The following UNC13B variants were observed in gnomAD, a reference collection of about 807,000 sequenced individuals.
The protein encoded by UNC13B is protein unc-13 homolog B.
A neutral mutation model predicts 211.0 loss-of-function variants in UNC13B; 144 were observed. That is an observed-to-expected ratio of 0.68 (90% CI 0.60 to 0.78). The LOEUF (loss-of-function observed/expected upper bound fraction) is 0.78. UNC13B is among the 30% of genes least tolerant of loss of function. The pLI is 0.00. For synonymous variants in UNC13B, 709 were observed against 725.8 expected (o/e 0.98, Z 0.37); for missense variants, 1,777 against 2,002.0 (o/e 0.89, Z 2.14).
At chr9:35,254,887 A>ATATATAATATACG (rs1222195775) in intron 6 of UNC13B, among the ~76,000 whole-genome samples, 2 of 127,056 alleles carry the variant, frequency 1.6e-5, no homozygotes, top group African/African-American at 5.8e-5. Context: ...TATATATATT[A>ATATATAATATACG]TATATAATAT....
intron 1 of UNC13B, among the ~76,000 whole-genome samples, chr9:35,201,945 A>T (rs1823324173): frequency 6.6e-6 from 1 of 152,062 alleles, no homozygotes; most frequent in African/African-American, 2.4e-5. Flanking sequence ...TGTGAATTTT[A>T]GATCTTTCCT....
At chr9:35,186,468 G>A (rs1018814206) in intron 1 of UNC13B, among the ~76,000 whole-genome samples, 9 of 152,112 alleles carry the variant, frequency 5.9e-5, no homozygotes, top group Admixed American at 2.0e-4. Flanking sequence ...TGTTGTCTGC[G>A]GTAAATACCT....
intron 11 of UNC13B, chr9:35,364,407 C>T: frequency 1.2e-6 from 1 of 816,650 alleles, no homozygotes; most frequent in East Asian, 2.8e-5. Flanking sequence ...GCTCTATGAA[C>T]TGCCTAGTTG....
At chr9:35,370,206 G>C in intron 12 of UNC13B, 112 bp from the exon 13 acceptor site, 1 of 804,046 alleles carries the variant, frequency 1.2e-6, no homozygotes, top group Admixed American at 2.3e-5. Flanking sequence ...ACATGGTAGA[G>C]GTCAGTTCAT....
chr9:35,352,492 TCAA>T (rs1321474505), intron 11 of UNC13B: 8 of 1,231,978 alleles, frequency 6.5e-6, no homozygotes, highest in Non-Finnish European at 6.1e-6. Context: ...TATCATTTTT[TCAA>T]CAACAACATC....
chr9:35,377,399 C>T, intron 15 of UNC13B, 69 bp from the exon 16 acceptor site: 1 of 1,524,102 alleles, frequency 6.6e-7, no homozygotes, highest in East Asian at 2.3e-5. Context: ...TGCAGCCTCT[C>T]CCAGGCCCCA....
chr9:35,263,813 C>G (rs1176474426), intron 7 of UNC13B, among the ~76,000 whole-genome samples: 1 of 152,152 alleles, frequency 6.6e-6, no homozygotes, highest in Non-Finnish European at 1.5e-5. Flanking sequence ...AGAGCTCCAT[C>G]CCTACCAAGT....
In UNC13B at chr9:35,162,072, C is replaced by T; in HGVS notation, c.-212C>T. On this transcript the variant is annotated 5_prime_UTR_variant, in exon 1 of 40. Coordinates refer to ENST00000635942, the MANE Select transcript of UNC13B (RefSeq NM_001371189.2). ...GTGCCGCGCCCAGTCCCCAGCCTGC[C>T]GGCCGGTACTCACCGCTACCCGGAG... 3.1e-6 allele frequency: 2 copies of T among 640,180 alleles called. No homozygotes were observed. The highest frequency in any genetic ancestry group is 2.0e-5 in the South Asian group (1 of 49,704). The allele number at this position is 640,180 out of a possible 1,614,324, so 39.7% of individuals were successfully genotyped here.
intron 11 of UNC13B, among the ~76,000 whole-genome samples, chr9:35,356,011 G>C (rs1216767825): frequency 2.0e-5 from 3 of 152,206 alleles, no homozygotes; most frequent in Non-Finnish European, 4.4e-5. Flanking sequence ...TGGTAGGCAG[G>C]TGGTAGTAGC....
At chr9:35,282,265 A>G (rs1488655446) in intron 7 of UNC13B, among the ~76,000 whole-genome samples, 2 of 151,658 alleles carry the variant, frequency 1.3e-5, no homozygotes, top group African/African-American at 4.8e-5. Flanking sequence ...CCCAATCACA[A>G]CCCCCTCTTC....
intron 1 of UNC13B, among the ~76,000 whole-genome samples, chr9:35,167,754 ATTTTTT>A (rs765603183): frequency 1.2e-4 from 14 of 115,684 alleles, no homozygotes; most frequent in Non-Finnish European, 1.8e-4. Context: ...TGCCTGGCTA[ATTTTTT>A]TTTTTTTTTT....
At position 35,376,187 on chromosome 9, in the gene UNC13B, G is replaced by A. The variant is rs368769067; in HGVS notation, c.9775G>A (p.Glu3259Lys). 17 of 1,614,042 alleles carry A rather than the reference G, an allele frequency of 1.1e-5. No homozygotes were observed. The East Asian group carries it at 1.6e-4, about 15-fold the overall frequency. The change falls in exon 15 of 40, where the codon GAA (glutamate) becomes AAA (lysine). Residue 3259 changes from glutamate to lysine, a missense_variant. By Grantham distance (56) the Glu-to-Lys change is moderately conservative. Transcript: ENST00000635942. ...TGCCCGGCAGGGCATGCGCTGCAGC[G>A]AATGTGGAGTCAAGTGCCATGAGAA... ...GIARQGMRCSECGVKCHEKCQ... is the reference protein window; with the variant it reads ...GIARQGMRCSKCGVKCHEKCQ...
At chr9:35,397,555 G>A in intron 29 of UNC13B, 80 bp from the exon 30 acceptor site, 2 of 1,481,220 alleles carry the variant, frequency 1.4e-6, no homozygotes, top group East Asian at 2.4e-5. Flanking sequence ...GTTCTGTGAT[G>A]AGAAGTGCCA....
intron 1 of UNC13B, among the ~76,000 whole-genome samples, chr9:35,177,399 A>C (rs1238225347): frequency 1.3e-5 from 2 of 152,216 alleles, no homozygotes; most frequent in Non-Finnish European, 2.9e-5. Context: ...AACTGAAAGC[A>C]CTGGGTTTCT....
chr9:35,380,395 G>T, intron 17 of UNC13B, 75 bp from the exon 18 acceptor site: 1 of 1,508,344 alleles, frequency 6.6e-7, no homozygotes, highest in East Asian at 2.3e-5. Context: ...CGGAGCTTTT[G>T]GGAGGGAATA....
intron 1 of UNC13B, among the ~76,000 whole-genome samples, chr9:35,191,312 T>C (rs1379184647): frequency 6.6e-6 from 1 of 152,188 alleles, no homozygotes; most frequent in Non-Finnish European, 1.5e-5. Context: ...TGCAAAATTG[T>C]GACTGAGACA....
Position 35,231,163 on chromosome 9 carries a change from G to C in UNC13B, c.96G>C (p.Lys32Asn). 6.2e-7 allele frequency: 1 copy of C among 1,613,494 alleles called. No individual in the cohort carries two copies. The highest frequency in any genetic ancestry group is 8.5e-7 in the Non-Finnish European group (1 of 1,179,582). The change falls in exon 3 of 40, where the codon AAG becomes AAC. Residue 32 changes from lysine to asparagine, a missense_variant. Physicochemically the swap from Lys to Asn is moderately conservative, Grantham distance 94. Coordinates refer to ENST00000635942, the MANE Select transcript of UNC13B (RefSeq NM_001371189.2). ...TYVTLKVQNV[K>N]STTVAVRGDQ... ...TGACCCTGAAAGTACAGAATGTGAA[G>C]AGCACAACTGTAGCAGTTCGTGGTG...
At position 35,403,244 on chromosome 9, in the gene UNC13B, A is replaced by G. The variant is rs759348167; in HGVS notation, c.12562A>G (p.Lys4188Glu). 4 of 1,613,996 alleles carry G rather than the reference A, an allele frequency of 2.5e-6. No homozygotes were observed. The African/African-American group carries it at 5.3e-5, about 22-fold the overall frequency. ...LFTHPGTGEH[K>E]VTVKVVAAND... is the part of the protein sequence containing the mutation. Reference sequence around the variant, plus strand: ...TACACACCCTGGTACTGGGGAGCACAAGGTCACAGTGAAAGGTGAGTGATG... The same window carrying G: ...TACACACCCTGGTACTGGGGAGCACGAGGTCACAGTGAAAGGTGAGTGATG... The change falls in exon 38 of 40, where the codon AAG (lysine) becomes GAG (glutamate). Residue 4188 changes from lysine to glutamate, a missense_variant. Lys to Glu is a moderately conservative substitution (Grantham distance 56). Coordinates refer to ENST00000635942, the MANE Select transcript of UNC13B (RefSeq NM_001371189.2).
At chr9:35,208,538 GA>G (rs2131406800) in intron 1 of UNC13B, among the ~76,000 whole-genome samples, 1 of 152,324 alleles carries the variant, frequency 6.6e-6, no homozygotes, top group South Asian at 2.1e-4. Context: ...TGCTTCTGGG[GA>G]AGCCCCAGGA....
Sources: gnomAD v4.1 joint callset for allele counts (sites outside exome capture counted in the v4.1 genomes callset) on GRCh38, gnomAD v4.1.1 for gene constraint, MANE v1.5 for transcripts, NCBI Gene and HGNC (gene_info 2026-07-23, HGNC 2026-07-21) for gene names.